SNTB2: variants seen among roughly 807,000 people sequenced by gnomAD.
The protein encoded by SNTB2 is beta-2-syntrophin.
SNTB2 carries 34 observed loss-of-function variants against 46.2 expected under a neutral mutation model. The observed-to-expected ratio is 0.74, with a 90% CI of 0.56 to 0.98. The LOEUF is 0.98. Among genes scored for constraint, SNTB2 ranks in the 50% least tolerant of loss-of-function variants. The pLI is 0.00. For synonymous variants in SNTB2, 290 were observed against 312.6 expected (o/e 0.93, Z 0.76); for missense variants, 603 against 731.4 (o/e 0.82, Z 2.02).
At chr16:69,189,781 G>A (rs1268872566) in intron 1 of SNTB2, among the ~76,000 whole-genome samples, 1 of 152,166 alleles carries the variant, frequency 6.6e-6, no homozygotes, top group African/African-American at 2.4e-5. Flanking sequence ...TTTTTGTATA[G>A]GTATAGTTTG....
chr16:69,242,127 G>A (rs187142045), intron 1 of SNTB2, among the ~76,000 whole-genome samples: 39 of 152,160 alleles, frequency 2.6e-4, no homozygotes, highest in African/African-American at 6.7e-4. Flanking sequence ...TGTCTTTCAT[G>A]TTTAAAGTTT....
intron 1 of SNTB2, chr16:69,235,962 CATTAGG>C (rs1964556180): frequency 1.2e-6 from 1 of 819,822 alleles, no homozygotes; most frequent in African/African-American, 1.8e-5. Context: ...ATTACTTTCG[CATTAGG>C]ATTAATAGAG....
chr16:69,249,398 T>C (rs1413848682), intron 2 of SNTB2, among the ~76,000 whole-genome samples: 1 of 152,054 alleles, frequency 6.6e-6, no homozygotes, highest in Non-Finnish European at 1.5e-5. Flanking sequence ...AGGCAAAACG[T>C]TATAAAGTTT....
chr16:69,247,947 G>A (rs967344253), intron 2 of SNTB2, among the ~76,000 whole-genome samples: 1 of 151,912 alleles, frequency 6.6e-6, no homozygotes, highest in Non-Finnish European at 1.5e-5. Flanking sequence ...GTGAGACCTC[G>A]CCTCTACAGG....
intron 1 of SNTB2, among the ~76,000 whole-genome samples, chr16:69,235,019 A>C (rs570528786): frequency 6.0e-5 from 9 of 151,086 alleles, no homozygotes; most frequent in Non-Finnish European, 7.4e-5. Context: ...TTGGTTCTTT[A>C]TTTATTTATT....
At chr16:69,299,545 G>T in intron 5 of SNTB2, 45 bp from the exon 6 acceptor site, 1 of 1,579,946 alleles carries the variant, frequency 6.3e-7, no homozygotes, top group South Asian at 1.1e-5. Context: ...CTTGATAACT[G>T]ACATAGCAAC....
intron 1 of SNTB2, among the ~76,000 whole-genome samples, chr16:69,243,786 C>G (rs150094786): frequency 6.6e-6 from 1 of 152,098 alleles, no homozygotes; most frequent in African/African-American, 2.4e-5. Context: ...AAAAAAATCT[C>G]CTTGGTGACC....
At chr16:69,224,562 ATTC>A (rs1964440967) in intron 1 of SNTB2, among the ~76,000 whole-genome samples, 1 of 152,182 alleles carries the variant, frequency 6.6e-6, no homozygotes, top group South Asian at 2.1e-4. Context: ...ACACACAGTT[ATTC>A]TTTAAACTTT....
chr16:69,197,675 A>G (rs1349347630), intron 1 of SNTB2, among the ~76,000 whole-genome samples: 1 of 152,238 alleles, frequency 6.6e-6, no homozygotes, highest in Non-Finnish European at 1.5e-5. Flanking sequence ...TCCAAAGTAT[A>G]TTCATCTTTA....
At chr16:69,199,765 A>T in intron 1 of SNTB2, among the ~76,000 whole-genome samples, 1 of 152,072 alleles carries the variant, frequency 6.6e-6, no homozygotes, top group South Asian at 2.1e-4. Context: ...CATAATGAAG[A>T]TTTGCAATCT....
chr16:69,234,693 CA>C (rs1400841647), intron 1 of SNTB2, among the ~76,000 whole-genome samples: 4 of 149,958 alleles, frequency 2.7e-5, no homozygotes, highest in African/African-American at 9.9e-5. Context: ...ATGTGTTATA[CA>C]ACTTGGTATT....
chr16:69,209,266 A>T (rs751723418), intron 1 of SNTB2, among the ~76,000 whole-genome samples: 4 of 152,054 alleles, frequency 2.6e-5, no homozygotes, highest in African/African-American at 9.7e-5. Context: ...CAAATTTTTG[A>T]ATGTTTTATA....
intron 2 of SNTB2, among the ~76,000 whole-genome samples, chr16:69,256,893 G>A (rs1186352365): frequency 6.6e-6 from 1 of 152,208 alleles, no homozygotes; most frequent in Non-Finnish European, 1.5e-5. Context: ...ATTAAGGCCA[G>A]GCACAGTGGC....
chr16:69,255,683 C>G (rs977928306), intron 2 of SNTB2, among the ~76,000 whole-genome samples: 1 of 151,086 alleles, frequency 6.6e-6, no homozygotes, highest in East Asian at 1.9e-4. Flanking sequence ...GAATTTCAGA[C>G]CAGCCTGACC....
At chr16:69,289,269 C>CAAAA (rs539709680) in intron 5 of SNTB2, among the ~76,000 whole-genome samples, 1 of 76,738 alleles carries the variant, frequency 1.3e-5, no homozygotes, top group African/African-American at 4.7e-5. Context: ...AACTCCGTCT[C>CAAAA]AAAAAAAAAA....
chr16:69,252,546 G>A (rs1964736711), intron 2 of SNTB2, among the ~76,000 whole-genome samples: 1 of 152,184 alleles, frequency 6.6e-6, no homozygotes, highest in Non-Finnish European at 1.5e-5. Flanking sequence ...AATTTTCCAT[G>A]TAAAAGGTAA....
At chr16:69,278,375 A>T (rs1308374235) in intron 4 of SNTB2, among the ~76,000 whole-genome samples, 1 of 152,124 alleles carries the variant, frequency 6.6e-6, no homozygotes, top group East Asian at 1.9e-4. Context: ...TGTAAAGCAA[A>T]ATACTGAATA....
intron 5 of SNTB2, among the ~76,000 whole-genome samples, chr16:69,292,411 A>T (rs1965177780): frequency 4.4e-5 from 1 of 22,974 alleles, no homozygotes; most frequent in Non-Finnish European, 6.9e-5. Context: ...TATATATTAT[A>T]TATATATTAT....
At chr16:69,192,377 C>G in intron 1 of SNTB2, among the ~76,000 whole-genome samples, 1 of 152,200 alleles carries the variant, frequency 6.6e-6, no homozygotes, top group East Asian at 1.9e-4. Flanking sequence ...TTGATACTTA[C>G]AGAGAATCTT....
Sources: gnomAD v4.1 joint callset for allele counts (sites outside exome capture counted in the v4.1 genomes callset) on GRCh38, gnomAD v4.1.1 for gene constraint, MANE v1.5 for transcripts, NCBI Gene and HGNC (gene_info 2026-07-23, HGNC 2026-07-21) for gene names.